DPP10: variants seen among roughly 807,000 people sequenced by gnomAD.
The protein encoded by DPP10 is inactive dipeptidyl peptidase 10.
DPP10 carries 33 observed loss-of-function variants against 120.9 expected under a neutral mutation model. That is an observed-to-expected ratio of 0.27 (90% CI 0.21 to 0.37). DPP10 has a LOEUF of 0.37. DPP10 is among the 10% of genes least tolerant of loss of function. DPP10 has a pLI of 1.00. For synonymous variants in DPP10, 337 were observed against 326.1 expected (o/e 1.03, Z -0.36); for missense variants, 816 against 942.8 (o/e 0.87, Z 1.76).
chr2:114,629,790 T>A (rs925451359), intron 1 of DPP10, among the ~76,000 whole-genome samples: 2 of 152,118 alleles, frequency 1.3e-5, no homozygotes, highest in East Asian at 3.8e-4. Context: ...AAATAATTTG[T>A]CAAATATTCA....
At chr2:115,841,295 G>A (rs1223944677) in intron 25 of DPP10, among the ~76,000 whole-genome samples, 3 of 152,002 alleles carry the variant, frequency 2.0e-5, no homozygotes, top group Admixed American at 6.6e-5. Flanking sequence ...TACAAGAAAA[G>A]AAGAGAGGAT....
intron 1 of DPP10, among the ~76,000 whole-genome samples, chr2:114,882,947 C>T (rs1219533162): frequency 2.6e-5 from 4 of 152,138 alleles, no homozygotes; most frequent in African/African-American, 9.7e-5. Context: ...GAAAAACCAG[C>T]TCTATTGGGC....
chr2:114,942,357 A>ATGTGTGTGTG (rs1697010270), intron 1 of DPP10, among the ~76,000 whole-genome samples: 1 of 121,846 alleles, frequency 8.2e-6, no homozygotes, highest in African/African-American at 3.3e-5. Flanking sequence ...ATACATATAT[A>ATGTGTGTGTG]TATACATATA....
intron 1 of DPP10, among the ~76,000 whole-genome samples, chr2:115,031,333 C>A (rs1415189610): frequency 6.6e-6 from 1 of 152,210 alleles, no homozygotes; most frequent in East Asian, 1.9e-4. Context: ...ACTATTCAAT[C>A]TTTATTGATA....
At chr2:115,399,512 T>A (rs1418210436) in intron 3 of DPP10, among the ~76,000 whole-genome samples, 1 of 152,166 alleles carries the variant, frequency 6.6e-6, no homozygotes, top group Non-Finnish European at 1.5e-5. Flanking sequence ...AAAATTGTAA[T>A]AAGTCAAGGA....
chr2:114,966,227 G>A (rs1699022930), intron 1 of DPP10, among the ~76,000 whole-genome samples: 3 of 152,038 alleles, frequency 2.0e-5, no homozygotes, highest in Admixed American at 2.0e-4. Flanking sequence ...GCTATGGTTT[G>A]GTTTGTTCTT....
intron 3 of DPP10, among the ~76,000 whole-genome samples, chr2:115,496,008 CA>C (rs1051540337): frequency 2.2e-4 from 33 of 152,008 alleles, no homozygotes; most frequent in Non-Finnish European, 8.8e-5. Flanking sequence ...TAAAGTTAAA[CA>C]AAATATATCA....
chr2:115,082,796 C>T (rs1053759988), intron 1 of DPP10, among the ~76,000 whole-genome samples: 1 of 152,192 alleles, frequency 6.6e-6, no homozygotes, highest in Non-Finnish European at 1.5e-5. Flanking sequence ...CAGACTAGAA[C>T]CACTCAGTGA....
intron 1 of DPP10, among the ~76,000 whole-genome samples, chr2:115,224,490 G>A (rs930949270): frequency 6.6e-6 from 1 of 152,128 alleles, no homozygotes; most frequent in African/African-American, 2.4e-5. Flanking sequence ...CACAGAAGCA[G>A]TGAGTAGAAT....
At chr2:115,831,664 G>C (rs1400098547) in intron 21 of DPP10, among the ~76,000 whole-genome samples, 1 of 152,162 alleles carries the variant, frequency 6.6e-6, no homozygotes, top group Non-Finnish European at 1.5e-5. Context: ...TGGCATTGCA[G>C]ATCCCACCTC....
At chr2:114,479,976 G>A (rs1387516947) in intron 1 of DPP10, among the ~76,000 whole-genome samples, 1 of 151,946 alleles carries the variant, frequency 6.6e-6, no homozygotes, top group Non-Finnish European at 1.5e-5. Context: ...CTGACAAAGG[G>A]CTAATATCCA....
chr2:115,362,442 A>G (rs532326648), intron 3 of DPP10, among the ~76,000 whole-genome samples: 142 of 152,316 alleles, frequency 9.3e-4, no homozygotes, highest in Non-Finnish European at 1.7e-3. Flanking sequence ...GATAAATTGA[A>G]TCTATACTTT....
intron 11 of DPP10, among the ~76,000 whole-genome samples, chr2:115,759,797 G>A (rs541439100): frequency 6.5e-4 from 99 of 152,182 alleles, no homozygotes; most frequent in Non-Finnish European, 1.2e-3. Flanking sequence ...GATCACCTGA[G>A]GTCAGGAGTT....
chr2:114,733,118 G>A (rs1677078376), intron 1 of DPP10, among the ~76,000 whole-genome samples: 1 of 152,130 alleles, frequency 6.6e-6, no homozygotes, highest in Admixed American at 6.6e-5. Context: ...GGAGGTAGGT[G>A]GTGCGAGAAG....
At chr2:115,044,987 A>T (rs944887598) in intron 1 of DPP10, among the ~76,000 whole-genome samples, 8 of 152,166 alleles carry the variant, frequency 5.3e-5, no homozygotes, top group African/African-American at 4.8e-5. Context: ...TCCATTGTGT[A>T]CTGTACCAGA....
intron 3 of DPP10, among the ~76,000 whole-genome samples, chr2:115,387,797 G>T (rs950431884): frequency 1.3e-5 from 2 of 152,126 alleles, no homozygotes; most frequent in African/African-American, 4.8e-5. Flanking sequence ...TAAATATGAT[G>T]AGCTAATGAA....
intron 3 of DPP10, among the ~76,000 whole-genome samples, chr2:115,460,611 G>C (rs1238569946): frequency 6.6e-6 from 1 of 152,114 alleles, no homozygotes; most frequent in African/African-American, 2.4e-5. Context: ...TAGAAAATTT[G>C]CTACTTTGAC....
intron 1 of DPP10, among the ~76,000 whole-genome samples, chr2:115,133,479 T>A (rs2050488678): frequency 6.6e-6 from 1 of 152,034 alleles, no homozygotes; most frequent in African/African-American, 2.4e-5. Context: ...ACTCTATTGA[T>A]AAGGACATGT....
At chr2:115,160,080 G>GGAAT (rs2104950719) in intron 1 of DPP10, among the ~76,000 whole-genome samples, 1 of 152,148 alleles carries the variant, frequency 6.6e-6, no homozygotes, top group African/African-American at 2.4e-5. Flanking sequence ...TACATGTGAG[G>GGAAT]GAATATCTAT....
Sources: allele counts gnomAD v4.1 joint callset (sites outside exome capture counted in the v4.1 genomes callset), GRCh38; gene constraint gnomAD v4.1.1; transcripts MANE v1.5; gene names NCBI Gene and HGNC (gene_info 2026-07-23, HGNC 2026-07-21).